Variants in UGDH observed in about 807,000 individuals in gnomAD.
UGDH encodes UDP-glucose 6-dehydrogenase.
Under a neutral mutation model 50.6 loss-of-function variants are expected in UGDH, and 38 were observed. That is an observed-to-expected ratio of 0.75 (90% CI 0.58 to 0.98). The LOEUF (loss-of-function observed/expected upper bound fraction) is 0.98. Among genes scored for constraint, UGDH ranks in the 50% least tolerant of loss-of-function variants. The probability of loss-of-function intolerance (pLI) is 0.00; values close to 1 mark genes in which losing one functional copy is unlikely to be tolerated. For missense variants in UGDH, 465 were observed against 606.2 expected (o/e 0.77, Z 2.45); for synonymous variants, 168 against 199.9 (o/e 0.84, Z 1.35).
At chr4:39,507,386 T>C (rs1469938929) in intron 7 of UGDH, among the ~76,000 whole-genome samples, 2 of 152,154 alleles carry the variant, frequency 1.3e-5, no homozygotes, top group Non-Finnish European at 2.9e-5. Flanking sequence ...AGCATGACAA[T>C]ATAGGTTCTG....
rs143244091 is a variant in UGDH, at chr4:39,501,422, T to C, written c.1375-1169A>G. The stretch of plus-strand genomic sequence containing the variant: ...CCGAGCAGCTGGGACCACAGGTGCC[T>C]GCCACCACGCCCGGCAATTTTTTTG... On this transcript the variant is annotated intron_variant, in intron 11 of 11. Coordinates refer to ENST00000316423, the MANE Select transcript of UGDH (RefSeq NM_003359.4). 4.4e-3 allele frequency among the ~76,000 whole-genome samples: 667 copies of C among 152,042 alleles called. 5 individuals carry two copies. Among genetic ancestry groups the C allele is most frequent in the African/African-American group, 0.014 (581 of 41,446 alleles).
intron 2 of UGDH, among the ~76,000 whole-genome samples, chr4:39,517,699 A>G (rs963673665): frequency 6.6e-6 from 1 of 152,220 alleles, no homozygotes; most frequent in Non-Finnish European, 1.5e-5. Context: ...CCTAGTCACT[A>G]CTATTCCCAA....
At chr4:39,513,613 T>C (rs1746330023) in intron 3 of UGDH, among the ~76,000 whole-genome samples, 1 of 142,544 alleles carries the variant, frequency 7.0e-6, no homozygotes, top group South Asian at 2.3e-4. Flanking sequence ...CTCGGCTCAC[T>C]GCAACCTCTG....
intron 11 of UGDH, 41 bp downstream of exon 11, chr4:39,503,834 A>T: frequency 6.3e-7 from 1 of 1,577,194 alleles, no homozygotes; most frequent in Non-Finnish European, 8.7e-7. Flanking sequence ...AACACTAAAG[A>T]CCAAACAAAA....
At chr4:39,516,127 T>G (rs536957584) in intron 2 of UGDH, among the ~76,000 whole-genome samples, 41 of 152,052 alleles carry the variant, frequency 2.7e-4, no homozygotes, top group Middle Eastern at 3.4e-3. Context: ...CTAAAAAAAT[T>G]TTAAAAAATA....
intron 10 of UGDH, 30 bp from the exon 11 acceptor site, chr4:39,504,015 AAC>A (rs764524029): frequency 2.8e-5 from 44 of 1,597,062 alleles, no homozygotes; most frequent in Non-Finnish European, 3.6e-5. Flanking sequence ...GAACAATTAA[AAC>A]ACATACGTGG....
chr4:39,523,613 T>G (rs963953574), intron 1 of UGDH, among the ~76,000 whole-genome samples: 1 of 152,062 alleles, frequency 6.6e-6, no homozygotes, highest in Admixed American at 6.6e-5. Flanking sequence ...AAGACCAGCC[T>G]GATCAACATG....
At chr4:39,522,594 A>T (rs1746708191) in intron 1 of UGDH, among the ~76,000 whole-genome samples, 1 of 152,146 alleles carries the variant, frequency 6.6e-6, no homozygotes, top group Non-Finnish European at 1.5e-5. Context: ...CAATATTCTA[A>T]ATTTTCGTTT....
intron 2 of UGDH, among the ~76,000 whole-genome samples, chr4:39,515,449 TTAAA>T (rs1268713644): frequency 6.6e-6 from 1 of 151,966 alleles, no homozygotes; most frequent in Non-Finnish European, 1.5e-5. Context: ...TTCTATATGC[TTAAA>T]TAAATATAAA....
intron 2 of UGDH, among the ~76,000 whole-genome samples, chr4:39,517,204 ATT>A (rs202114945): frequency 3.8e-4 from 53 of 141,184 alleles, no homozygotes; most frequent in Non-Finnish European, 5.1e-4. Context: ...TTACTACTAA[ATT>A]TTTTTTTTTT....
At chr4:39,520,617 T>A (rs1746612400) in intron 2 of UGDH, among the ~76,000 whole-genome samples, 1 of 151,990 alleles carries the variant, frequency 6.6e-6, no homozygotes. Flanking sequence ...ATATGAAAGA[T>A]GCCATTTGTC....
chr4:39,511,421 C>T (rs1409481345), intron 3 of UGDH, among the ~76,000 whole-genome samples: 1 of 151,882 alleles, frequency 6.6e-6, no homozygotes, highest in Admixed American at 6.6e-5. Flanking sequence ...CCACCACACC[C>T]CACCACTTTT....
Position 39,505,402 on chromosome 4 carries a change from C to T in UGDH, c.1038-32G>A, listed in dbSNP as rs762246750. The T allele has an allele frequency of 2.9e-5, 43 of 1,462,824 alleles. 1 individual carries two copies. Among genetic ancestry groups the T allele is most frequent in the South Asian group, 6.0e-5 (4 of 66,946 alleles). The allele number at this position is 1,462,824 out of a possible 1,614,324, so 90.6% of individuals were successfully genotyped here. On this transcript the variant is annotated intron_variant, in intron 8 of 11. Transcript: ENST00000316423. ...GAAAAAAAAAATCAGTATTGGTAAG[C>T]TTTATGTGGCATTATATTCTAATAC...
chr4:39,499,782 G>C lies in UGDH; in HGVS notation c.*361C>G, dbSNP rs550036670. The C allele has an allele frequency of 1.8e-5, 3 of 163,384 alleles. No individual in the cohort carries two copies. Among genetic ancestry groups the C allele is most frequent in the African/African-American group, 7.2e-5 (3 of 41,792 alleles). The allele number at this position is 163,384 out of a possible 1,614,324, so 10.1% of individuals were successfully genotyped here. A position where few individuals can be genotyped will look rare whatever the true frequency, so the allele number is the denominator to read the frequency against. On this transcript the variant is annotated 3_prime_UTR_variant, in exon 12 of 12. Transcript: ENST00000316423. ...GTGGTGGCTCACACCTGTAATCCCA[G>C]CACTTTGGGAGGCCGAGACGGGTGG...
At chr4:39,504,835 C>T (rs1037707030) in intron 9 of UGDH, among the ~76,000 whole-genome samples, 2 of 152,178 alleles carry the variant, frequency 1.3e-5, no homozygotes, top group African/African-American at 2.4e-5. Flanking sequence ...TTTCAGACTG[C>T]AAGTGACCGC....
Position 39,505,308 on chromosome 4 carries a change from T to C in UGDH, c.1100A>G (p.Tyr367Cys), listed in dbSNP as rs1578264574. 3 of 1,601,876 alleles carry C rather than the reference T, an allele frequency of 1.9e-6. No individual in the cohort carries two copies. The highest frequency in any genetic ancestry group is 2.6e-6 in the Non-Finnish European group (3 of 1,175,552). Residue 367 changes from tyrosine (Y) to cysteine (C), a missense_variant, in exon 9 of 12, where the codon TAT (tyrosine) becomes TGT (cysteine). Physicochemically the swap from Tyr to Cys is radical, Grantham distance 194 (BLOSUM62 -2). Transcript: ENST00000316423. The stretch of plus-strand genomic sequence containing the variant: ...TTGTTCCCTAGGTACTTTTGGATCA[T>C]ATATATGTAGATGTGCACCTTCATC... ...LMDEGAHLHI[Y>C]DPKVPREQIV...
chr4:39,500,544 AT>A (rs1345030765), intron 11 of UGDH, among the ~76,000 whole-genome samples: 4 of 152,166 alleles, frequency 2.6e-5, no homozygotes, highest in African/African-American at 9.7e-5. Context: ...AGAAACATGT[AT>A]GAAATTAACC....
chr4:39,517,296 G>C (rs1746475278), intron 2 of UGDH, among the ~76,000 whole-genome samples: 1 of 151,010 alleles, frequency 6.6e-6, no homozygotes. Flanking sequence ...TCCACCTCCT[G>C]GGTTCAAGCG....
intron 1 of UGDH, among the ~76,000 whole-genome samples, chr4:39,522,007 T>C (rs1374314782): frequency 1.0e-5 from 1 of 98,442 alleles, no homozygotes. Flanking sequence ...TGGCCTCTGA[T>C]GAGATTATAT....
Sources: gnomAD v4.1 joint callset for allele counts (sites outside exome capture counted in the v4.1 genomes callset) on GRCh38, gnomAD v4.1.1 for gene constraint, MANE v1.5 for transcripts, NCBI Gene and HGNC (gene_info 2026-07-23, HGNC 2026-07-21) for gene names.